LRRTM4: variants seen among roughly 807,000 people sequenced by gnomAD.
LRRTM4 encodes leucine rich repeat transmembrane neuronal 4, also known as leucine-rich repeat transmembrane neuronal protein 4.
A neutral mutation model predicts 47.6 loss-of-function variants in LRRTM4; 25 were observed. That is an observed-to-expected ratio of 0.53 (90% confidence interval 0.38 to 0.73). The LOEUF (loss-of-function observed/expected upper bound fraction) is 0.73, where lower values mean the gene tolerates loss of function less well. Among genes scored for constraint, LRRTM4 ranks in the 30% least tolerant of loss-of-function variants. The probability of loss-of-function intolerance (pLI) is 0.00; values close to 1 mark genes in which losing one functional copy is unlikely to be tolerated. For synonymous variants in LRRTM4, 311 were observed against 269.5 expected, an observed-to-expected ratio of 1.15 and a Z score of -1.51; for missense variants, 638 against 713.4, an observed-to-expected ratio of 0.89 and a Z score of 1.20.
Position 77,446,624 on chromosome 2 carries a change from C to T in LRRTM4, c.1551+71694G>A, listed in dbSNP as rs372537157. Among the ~76,000 whole-genome samples, 51 of 152,062 alleles carry T rather than the reference C, an allele frequency of 3.4e-4. No individual in the cohort carries two copies. In the East Asian group the frequency reaches 7.5e-3, roughly 23 times the overall value. The stretch of plus-strand genomic sequence containing the variant: ...CATACCTTTTTTGCTTCTTTAAGAT[C>T]GAACATCAGCCACACTGTCTTCCTC... On this transcript the variant is annotated intron_variant, in intron 3 of 3. Coordinates refer to ENST00000409884, the MANE Select transcript of LRRTM4 (RefSeq NM_001134745.3).
intron 3 of LRRTM4, among the ~76,000 whole-genome samples, chr2:76,942,347 A>G (rs891623980): frequency 5.3e-5 from 8 of 151,980 alleles, no homozygotes; most frequent in Non-Finnish European, 1.0e-4. Context: ...CTTTTGTTGC[A>G]ATTGATTTTG....
At chr2:77,082,965 AAAG>A (rs1164434885) in intron 3 of LRRTM4, among the ~76,000 whole-genome samples, 4 of 152,084 alleles carry the variant, frequency 2.6e-5, no homozygotes, top group Non-Finnish European at 5.9e-5. Flanking sequence ...TATCTCCCTA[AAAG>A]AAAAATTACT....
chr2:76,993,170 A>T (rs999064132), intron 3 of LRRTM4, among the ~76,000 whole-genome samples: 1 of 151,976 alleles, frequency 6.6e-6, no homozygotes. Context: ...TAAAAATCCT[A>T]GAAGAAAACC....
intron 3 of LRRTM4, among the ~76,000 whole-genome samples, chr2:77,490,932 G>T (rs1182095588): frequency 1.3e-5 from 2 of 152,108 alleles, no homozygotes; most frequent in South Asian, 2.1e-4. Flanking sequence ...AAAAGGATCA[G>T]TGCAACAGTT....
intron 3 of LRRTM4, among the ~76,000 whole-genome samples, chr2:77,344,110 C>T (rs1023369861): frequency 2.0e-5 from 3 of 151,720 alleles, no homozygotes; most frequent in Non-Finnish European, 4.4e-5. Flanking sequence ...AAAAAGGAAT[C>T]AACAGATACA....
At chr2:76,926,444 A>G (rs1431408443) in intron 3 of LRRTM4, among the ~76,000 whole-genome samples, 1 of 152,154 alleles carries the variant, frequency 6.6e-6, no homozygotes, top group Admixed American at 6.6e-5. Flanking sequence ...CCTATTTTGT[A>G]TATGACAAGG....
At chr2:76,867,573 G>A (rs1261050210) in intron 3 of LRRTM4, among the ~76,000 whole-genome samples, 2 of 152,026 alleles carry the variant, frequency 1.3e-5, no homozygotes, top group Non-Finnish European at 2.9e-5. Flanking sequence ...ATCCTTCAGG[G>A]GCTTTTCAGT....
At chr2:76,936,633 T>TCA (rs1213194341) in intron 3 of LRRTM4, among the ~76,000 whole-genome samples, 1 of 147,204 alleles carries the variant, frequency 6.8e-6, no homozygotes, top group East Asian at 2.0e-4. Flanking sequence ...GCAGTGATAC[T>TCA]CACTCTTTAC....
intron 3 of LRRTM4, among the ~76,000 whole-genome samples, chr2:77,126,466 A>G (rs1286921990): frequency 6.6e-6 from 1 of 152,158 alleles, no homozygotes; most frequent in Non-Finnish European, 1.5e-5. Context: ...CTAGTGTGAT[A>G]TATTTCACCC....
chr2:76,936,560 A>G (rs1207243056), intron 3 of LRRTM4, among the ~76,000 whole-genome samples: 1 of 150,502 alleles, frequency 6.6e-6, no homozygotes, highest in African/African-American at 2.5e-5. Context: ...CGTTCTGCAC[A>G]TGTATCTCAG....
intron 3 of LRRTM4, among the ~76,000 whole-genome samples, chr2:77,217,980 ATTTTT>A (rs983933571): frequency 6.6e-6 from 1 of 151,236 alleles, no homozygotes; most frequent in Non-Finnish European, 1.5e-5. Flanking sequence ...ACTGAGCTTT[ATTTTT>A]TTTTATTTTA....
chr2:77,467,786 GGA>G (rs1677035541), intron 3 of LRRTM4, among the ~76,000 whole-genome samples: 1 of 152,080 alleles, frequency 6.6e-6, no homozygotes, highest in East Asian at 1.9e-4. Context: ...TCATAAGTTT[GGA>G]TGGTAGGGAA....
chr2:77,305,459 T>C, intron 3 of LRRTM4, among the ~76,000 whole-genome samples: 1 of 152,136 alleles, frequency 6.6e-6, no homozygotes, highest in East Asian at 1.9e-4. Context: ...AATTTTGTGA[T>C]TAACTTTCTT....
chr2:77,029,343 A>T (rs570178286), intron 3 of LRRTM4, among the ~76,000 whole-genome samples: 40 of 152,148 alleles, frequency 2.6e-4, no homozygotes, highest in Admixed American at 6.6e-4. Flanking sequence ...CCAAAACCTC[A>T]AAAGTAGGGA....
In LRRTM4 at chr2:77,517,783, T is replaced by C. The variant is rs990975349; in HGVS notation, c.1551+535A>G. On this transcript the variant is annotated intron_variant, in intron 3 of 3. Coordinates refer to ENST00000409884, the MANE Select transcript of LRRTM4 (RefSeq NM_001134745.3). ...TCTCTATGCTGGTATAATAACTAAA[T>C]GGCAAGTAACATGGGTGTGAGATCC... The C allele has an allele frequency of 1.7e-5, 17 of 985,230 alleles. No homozygotes were observed. The South Asian group carries it at 2.8e-4, about 16-fold the overall frequency. 61.0% of individuals were successfully genotyped at this position (985,230 alleles called of 1,614,324 possible). A position where few individuals can be genotyped will look rare whatever the true frequency, so the allele number is the denominator to read the frequency against.
At chr2:77,022,705 T>C (rs4853291) in intron 3 of LRRTM4, among the ~76,000 whole-genome samples, 82,643 of 152,092 alleles carry the variant, frequency 0.54, 24,244 homozygotes, top group African/African-American at 0.76. Flanking sequence ...GCAGGTTTCA[T>C]ATCCAGGTCA....
At chr2:77,048,718 A>G (rs1679314958) in intron 3 of LRRTM4, among the ~76,000 whole-genome samples, 1 of 151,908 alleles carries the variant, frequency 6.6e-6, no homozygotes, top group Non-Finnish European at 1.5e-5. Flanking sequence ...GTAATTATCA[A>G]TTCAGGGTAA....
chr2:77,277,197 A>G (rs920035268), intron 3 of LRRTM4, among the ~76,000 whole-genome samples: 1 of 152,032 alleles, frequency 6.6e-6, no homozygotes, highest in Non-Finnish European at 1.5e-5. Context: ...TGCAAAACCA[A>G]TTACAGATAG....
intron 3 of LRRTM4, among the ~76,000 whole-genome samples, chr2:77,288,047 G>T: frequency 6.6e-6 from 1 of 151,884 alleles, no homozygotes; most frequent in East Asian, 1.9e-4. Flanking sequence ...ATTGGTCTAT[G>T]GTTAGAAAGA....
Sources: gnomAD v4.1 joint callset for allele counts (sites outside exome capture counted in the v4.1 genomes callset) on GRCh38, gnomAD v4.1.1 for gene constraint, MANE v1.5 for transcripts, NCBI Gene and HGNC (gene_info 2026-07-23, HGNC 2026-07-21) for gene names.